Variants in RARRES1 observed in about 807,000 individuals in gnomAD.
RARRES1 encodes retinoic acid receptor responder 1.
Under a neutral mutation model 30.6 loss-of-function variants are expected in RARRES1, and 34 were observed. The ratio of observed to expected loss-of-function variants is 1.11; its 90% CI spans 0.84 to 1.48. The LOEUF is 1.48. Among genes scored for constraint, RARRES1 ranks in the 40% most tolerant of loss-of-function variants. RARRES1 has a pLI of 0.00. For missense variants in RARRES1, 373 were observed against 386.5 expected, an observed-to-expected ratio of 0.97 and a Z score of 0.29; for synonymous variants, 153 against 155.5, an observed-to-expected ratio of 0.98 and a Z score of 0.12.
rs1467866917 is a variant in RARRES1, at chr3:158,732,406, G to C, written c.10C>G (p.Arg4Gly). ...CAGGGAGCAGGCAGCCGTTGCCGGC[G>C]GGGCTGCATGGACGCAGGAAAGTTG... MQP[R>G]RQRLPAPWSG... The change falls in exon 1 of 6, where the codon CGC becomes GGC. Residue 4 changes from arginine to glycine, a missense_variant. Physicochemically the swap from Arg to Gly is moderately radical, Grantham distance 125. Transcript: ENST00000237696. The C allele has an allele frequency of 1.3e-6, 2 of 1,510,488 alleles. No individual in the cohort carries two copies. The highest frequency in any genetic ancestry group is 1.8e-6 in the Non-Finnish European group (2 of 1,134,890). 93.6% of individuals were successfully genotyped at this position (1,510,488 alleles called of 1,614,324 possible).
rs867481216 is a variant in RARRES1 at position 158,732,225 on chromosome 3, C to T, written c.191G>A (p.Arg64His). The part of the protein sequence containing the change: ...VPRRLLQQAA[R>H]AALHFFNFRS... ...GAAGTTGAAGAAGTGAAGCGCCGCG[C>T]GCGCCGCCTGCTGCAGGAGCCTGCG... The change falls in exon 1 of 6, where the codon CGC becomes CAC. Residue 64 changes from arginine (R) to histidine (H), a missense_variant. Coordinates refer to ENST00000237696, the MANE Select transcript of RARRES1 (RefSeq NM_206963.2). The T allele has an allele frequency of 2.8e-6, 4 of 1,403,690 alleles. No homozygotes were observed. Among genetic ancestry groups the T allele is most frequent in the Non-Finnish European group, 3.7e-6 (4 of 1,085,800 alleles). The allele number at this position is 1,403,690 out of a possible 1,614,324, so 87.0% of individuals were successfully genotyped here. A position where few individuals can be genotyped will look rare whatever the true frequency, so the allele number is the denominator to read the frequency against.
chr3:158,715,113 C>T (rs981925755), intron 1 of RARRES1, among the ~76,000 whole-genome samples: 19 of 152,342 alleles, frequency 1.2e-4, no homozygotes, highest in Middle Eastern at 3.4e-3. Flanking sequence ...CAAACGAGTT[C>T]TGTTGTAAGC....
At chr3:158,713,435 CCT>C (rs1727210464) in intron 2 of RARRES1, among the ~76,000 whole-genome samples, 1 of 151,976 alleles carries the variant, frequency 6.6e-6, no homozygotes, top group African/African-American at 2.4e-5. Flanking sequence ...GAAATGTCAC[CCT>C]CTGACAGGAA....
At chr3:158,712,164 T>A (rs1437381250) in intron 2 of RARRES1, among the ~76,000 whole-genome samples, 1 of 152,206 alleles carries the variant, frequency 6.6e-6, no homozygotes, top group Non-Finnish European at 1.5e-5. Flanking sequence ...AATCCAACTC[T>A]CGTTGGCTGG....
chr3:158,728,548 G>C (rs1237489984), intron 1 of RARRES1, among the ~76,000 whole-genome samples: 3 of 138,360 alleles, frequency 2.2e-5, no homozygotes, highest in Admixed American at 7.3e-5. Flanking sequence ...TTTTGAGACA[G>C]ATTCTCGCTC....
intron 4 of RARRES1, chr3:158,698,204 G>T: frequency 2.0e-6 from 1 of 497,900 alleles, no homozygotes; most frequent in Non-Finnish European, 3.6e-6. Flanking sequence ...TTTTCTGATG[G>T]AGACCAAAGT....
At chr3:158,699,892 C>A (rs916149523) in intron 4 of RARRES1, among the ~76,000 whole-genome samples, 1 of 152,124 alleles carries the variant, frequency 6.6e-6, no homozygotes, top group African/African-American at 2.4e-5. Context: ...CCTTGTTAGA[C>A]CTTCATTTGG....
At chr3:158,730,365 C>CTCCCTCCT (rs1553746334) in intron 1 of RARRES1, among the ~76,000 whole-genome samples, 2 of 120,240 alleles carry the variant, frequency 1.7e-5, no homozygotes, top group African/African-American at 6.2e-5. Context: ...GAATAGGTTG[C>CTCCCTCCT]TCCTTCCTTC....
intron 1 of RARRES1, among the ~76,000 whole-genome samples, chr3:158,729,447 T>G (rs1181339048): frequency 1.3e-5 from 2 of 151,698 alleles, no homozygotes; most frequent in African/African-American, 2.4e-5. Context: ...TATTATTCCT[T>G]TATTTATTTA....
chr3:158,700,467 G>A (rs1359461203), intron 4 of RARRES1, among the ~76,000 whole-genome samples: 5 of 152,010 alleles, frequency 3.3e-5, no homozygotes, highest in Non-Finnish European at 7.4e-5. Context: ...GATAATGCTG[G>A]TAAAACCCTC....
intron 1 of RARRES1, among the ~76,000 whole-genome samples, chr3:158,731,181 T>G (rs1559877663): frequency 6.6e-6 from 1 of 152,244 alleles, no homozygotes; most frequent in African/African-American, 2.4e-5. Flanking sequence ...CTGAGCTTCT[T>G]GAAGGACTTT....
At chr3:158,720,422 CAA>C (rs74738078) in intron 1 of RARRES1, among the ~76,000 whole-genome samples, 19,210 of 147,212 alleles carry the variant, frequency 0.13, 1,423 homozygotes, top group South Asian at 0.22. Context: ...GCTCCCGTAA[CAA>C]AGTACCACAA....
rs2108152853 is a variant in RARRES1 at position 158,724,972 on chromosome 3, T to C, written c.276+7168A>G. 1.3e-5 allele frequency among the ~76,000 whole-genome samples: 2 copies of C among 152,228 alleles called. 1 individual carries two copies. Among genetic ancestry groups the C allele is most frequent in the Middle Eastern group, 6.8e-3 (2 of 294 alleles). The stretch of plus-strand genomic sequence containing the variant: ...CCTTCCAAGTAGCTGGGACTACAAG[T>C]ACGTGCCACCACATGTGGCTAACTT... On this transcript the variant is annotated intron_variant, in intron 1 of 5. Coordinates refer to ENST00000237696, the MANE Select transcript of RARRES1 (RefSeq NM_206963.2).
At chr3:158,713,266 C>T (rs1041402774) in intron 2 of RARRES1, among the ~76,000 whole-genome samples, 1 of 152,140 alleles carries the variant, frequency 6.6e-6, no homozygotes, top group Non-Finnish European at 1.5e-5. Flanking sequence ...TTACTCTCTT[C>T]TTGAAAACAG....
chr3:158,700,131 C>T (rs147487081), intron 4 of RARRES1, among the ~76,000 whole-genome samples: 372 of 151,682 alleles, frequency 2.5e-3, no homozygotes, highest in African/African-American at 8.7e-3. Context: ...CCCAGGAGTT[C>T]GAGACCAGCA....
chr3:158,717,077 G>A (rs1413561406), intron 1 of RARRES1, among the ~76,000 whole-genome samples: 1 of 152,246 alleles, frequency 6.6e-6, no homozygotes, highest in Non-Finnish European at 1.5e-5. Context: ...AGGCCTGTGT[G>A]TGGAGTGGGC....
At chr3:158,722,086 C>CAAAAAAAAAAAAA (rs571829700) in intron 1 of RARRES1, among the ~76,000 whole-genome samples, 7 of 68,732 alleles carry the variant, frequency 1.0e-4, no homozygotes, top group Non-Finnish European at 1.7e-4. Context: ...GAATGAAACT[C>CAAAAAAAAAAAAA]AAAAAAAAAA....
In RARRES1 at chr3:158,732,267, T is replaced by C. The variant is rs1243765513; in HGVS notation, c.149A>G (p.Gln50Arg). Residue 50 changes from glutamine (Q) to arginine (R), a missense_variant, in exon 1 of 6, where the codon CAG (glutamine) becomes CGG (arginine). Transcript: ENST00000237696. The part of the protein sequence containing the change: ...SGDPDDPGQP[Q>R]DAGVPRRLLQ... ...GAGCCTGCGCGGGACCCCAGCATCC[T>C]GAGGCTGCCCAGGGTCGTCGGGGTC... The C allele has an allele frequency of 4.4e-6, 6 of 1,366,092 alleles. No homozygotes were observed. Among genetic ancestry groups the C allele is most frequent in the Non-Finnish European group, 5.6e-6 (6 of 1,070,006 alleles). The allele number at this position is 1,366,092 out of a possible 1,614,324, so 84.6% of individuals were successfully genotyped here.
chr3:158,714,138 G>T (rs941882267), intron 1 of RARRES1, among the ~76,000 whole-genome samples: 27 of 152,126 alleles, frequency 1.8e-4, no homozygotes. Flanking sequence ...AAGGAGAAAA[G>T]AACAGGAGTG....
Sources: gnomAD v4.1 joint callset for allele counts (sites outside exome capture counted in the v4.1 genomes callset) on GRCh38, gnomAD v4.1.1 for gene constraint, MANE v1.5 for transcripts, NCBI Gene and HGNC (gene_info 2026-07-23, HGNC 2026-07-21) for gene names.